The following CRYBG1 variants were observed in gnomAD, a reference collection of about 807,000 sequenced individuals.
The protein encoded by CRYBG1 is beta/gamma crystallin domain-containing protein 1.
Under a neutral mutation model 189.2 loss-of-function variants are expected in CRYBG1, and 139 were observed. The observed-to-expected ratio is 0.73, with a 90% confidence interval of 0.64 to 0.85. The LOEUF (loss-of-function observed/expected upper bound fraction) is 0.85, where lower values mean the gene tolerates loss of function less well. Ranked by LOEUF, CRYBG1 falls within the 40% of genes least tolerant of loss-of-function variation. The probability of loss-of-function intolerance (pLI) is 0.00; values close to 1 mark genes in which losing one functional copy is unlikely to be tolerated. For missense variants in CRYBG1, 2,611 were observed against 2,675.8 expected, an observed-to-expected ratio of 0.98 and a Z score of 0.53; for synonymous variants, 1,023 against 1,017.1, an observed-to-expected ratio of 1.01 and a Z score of -0.11.
intron 1 of CRYBG1, among the ~76,000 whole-genome samples, chr6:106,443,112 A>T (rs569968202): frequency 6.6e-6 from 1 of 152,350 alleles, no homozygotes; most frequent in African/African-American, 2.4e-5. Context: ...GTAGGATAGT[A>T]GTGGTTGGAA....
At chr6:106,420,244 G>A (rs773994556) in intron 1 of CRYBG1, among the ~76,000 whole-genome samples, 7 of 152,092 alleles carry the variant, frequency 4.6e-5, no homozygotes, top group African/African-American at 7.2e-5. Context: ...TTTTCTAAAC[G>A]GGGCTTTGGG....
At chr6:106,454,865 T>C in intron 2 of CRYBG1, 1 of 152,554 alleles carries the variant, frequency 6.6e-6, no homozygotes. Flanking sequence ...AACTAATTGA[T>C]CACAACCAGT....
intron 17 of CRYBG1, 70 bp from the exon 18 acceptor site, chr6:106,558,416 G>A: frequency 1.5e-6 from 2 of 1,332,330 alleles, no homozygotes; most frequent in Non-Finnish European, 1.0e-6. Context: ...CTTGTAACAA[G>A]ATGATTTTCA....
intron 21 of CRYBG1, among the ~76,000 whole-genome samples, chr6:106,564,230 A>G (rs1377939599): frequency 2.6e-5 from 4 of 152,322 alleles, no homozygotes; most frequent in South Asian, 2.1e-4. Flanking sequence ...TTTGGCCACA[A>G]TCTCACAGCT....
At chr6:106,563,989 C>T in intron 21 of CRYBG1, 63 bp downstream of exon 21, 8 of 1,479,688 alleles carry the variant, frequency 5.4e-6, no homozygotes, top group African/African-American at 2.8e-5. Flanking sequence ...AAGGAAAAAT[C>T]TATTCATAAC....
At chr6:106,376,054 G>A (rs919927824) in intron 1 of CRYBG1, among the ~76,000 whole-genome samples, 12 of 152,164 alleles carry the variant, frequency 7.9e-5, no homozygotes, top group African/African-American at 2.7e-4. Context: ...GACCACGGTT[G>A]ACTGAGTGAC....
intron 1 of CRYBG1, among the ~76,000 whole-genome samples, chr6:106,384,739 T>G (rs935692686): frequency 2.0e-4 from 30 of 152,216 alleles, no homozygotes; most frequent in African/African-American, 7.0e-4. Flanking sequence ...AAGTATGTTT[T>G]AAAAGTAAAA....
At chr6:106,541,506 TACTGTAA>T in intron 9 of CRYBG1, 73 bp from the exon 10 acceptor site, 1 of 1,323,620 alleles carries the variant, frequency 7.6e-7, no homozygotes, top group East Asian at 2.3e-5. Flanking sequence ...TTCAATGTTT[TACTGTAA>T]ACTGCTATGG....
At chr6:106,462,456 G>A (rs1272248031) in intron 2 of CRYBG1, among the ~76,000 whole-genome samples, 3 of 152,322 alleles carry the variant, frequency 2.0e-5, no homozygotes, top group African/African-American at 7.2e-5. Context: ...ACCGCGCCCG[G>A]CCTTTTCTGA....
At chr6:106,424,479 T>A (rs980047931) in intron 1 of CRYBG1, among the ~76,000 whole-genome samples, 5 of 152,120 alleles carry the variant, frequency 3.3e-5, no homozygotes, top group Non-Finnish European at 5.9e-5. Flanking sequence ...CTCTTTTTTT[T>A]AAGATGATTT....
chr6:106,421,580 G>A (rs888257404), intron 1 of CRYBG1, among the ~76,000 whole-genome samples: 2 of 152,084 alleles, frequency 1.3e-5, no homozygotes, highest in African/African-American at 4.8e-5. Context: ...CCTCCAAAGG[G>A]GAGGGCTTTG....
At chr6:106,444,770 G>A (rs1771632532) in intron 1 of CRYBG1, among the ~76,000 whole-genome samples, 1 of 152,184 alleles carries the variant, frequency 6.6e-6, no homozygotes, top group Admixed American at 6.5e-5. Context: ...GCATTCCACT[G>A]GTCAGGTGTG....
chr6:106,419,453 G>A (rs897971147), intron 1 of CRYBG1, among the ~76,000 whole-genome samples: 3 of 152,158 alleles, frequency 2.0e-5, no homozygotes, highest in African/African-American at 4.8e-5. Context: ...TGTGATCACG[G>A]CTCACTGCAG....
rs1486387710 is a variant in CRYBG1 at position 106,512,757 on chromosome 6, A to G, written c.1640A>G (p.Asp547Gly). 3 of 1,575,418 alleles carry G rather than the reference A, an allele frequency of 1.9e-6. No individual in the cohort carries two copies. Among genetic ancestry groups the G allele is most frequent in the Non-Finnish European group, 2.6e-6 (3 of 1,160,598 alleles). The change falls in exon 3 of 22, where the codon GAT (aspartate) becomes GGT (glycine). Residue 547 changes from aspartate (D) to glycine (G), a missense_variant. Asp to Gly is a moderately conservative substitution (Grantham distance 94). This residue lies in a region of CRYBG1 where 985 missense variants were observed against 924.4 expected (regional missense o/e 1.07). Transcript: ENST00000633556. ...AKESPPKRVP[D>G]PSPVTKGTAA... ...GAGTCCCCACCCAAGAGGGTGCCCG[A>G]TCCCAGCCCAGTCACCAAGGGCACT...
At chr6:106,495,902 A>G (rs530670267) in intron 2 of CRYBG1, among the ~76,000 whole-genome samples, 70 of 151,570 alleles carry the variant, frequency 4.6e-4, no homozygotes, top group South Asian at 1.0e-3. Flanking sequence ...CCTTGGAAAA[A>G]GACTAGTAGG....
chr6:106,510,210 A>AGAGGAGT (rs910583320), intron 2 of CRYBG1, among the ~76,000 whole-genome samples: 7 of 152,210 alleles, frequency 4.6e-5, no homozygotes, highest in African/African-American at 1.7e-4. Context: ...GCCTGGTTTC[A>AGAGGAGT]GAGGAGTCCT....
chr6:106,507,975 G>C (rs572895015), intron 2 of CRYBG1, among the ~76,000 whole-genome samples: 1 of 152,166 alleles, frequency 6.6e-6, no homozygotes, highest in East Asian at 1.9e-4. Flanking sequence ...GGCTGGGTAC[G>C]GTGGCTCACA....
At chr6:106,450,319 A>G (rs548662033) in intron 1 of CRYBG1, among the ~76,000 whole-genome samples, 8 of 152,120 alleles carry the variant, frequency 5.3e-5, no homozygotes, top group African/African-American at 1.7e-4. Context: ...CTGCCCTTCT[A>G]AAGTGTTAAC....
chr6:106,476,254 G>A (rs74441909), intron 2 of CRYBG1, among the ~76,000 whole-genome samples: 2,356 of 152,266 alleles, frequency 0.015, 59 homozygotes, highest in African/African-American at 0.054. Flanking sequence ...GATGTCACAC[G>A]GGTGGGGTGA....
Sources: allele counts gnomAD v4.1 joint callset (sites outside exome capture counted in the v4.1 genomes callset), GRCh38; gene constraint gnomAD v4.1.1; regional missense constraint gnomAD v4.1.1; transcripts MANE v1.5; gene names NCBI Gene and HGNC (gene_info 2026-07-23, HGNC 2026-07-21).